DNAJC5: variants seen among roughly 807,000 people sequenced by gnomAD.
DNAJC5 encodes dnaJ homolog subfamily C member 5.
In DNAJC5, 1 loss-of-function variant was observed where a neutral mutation model predicts 23.2. The ratio of observed to expected loss-of-function variants is 0.04; its 90% CI spans 0.02 to 0.20. The LOEUF is 0.20. DNAJC5 is among the 10% of genes least tolerant of loss of function. The pLI is 1.00. For missense variants in DNAJC5, 180 were observed against 267.0 expected (o/e 0.67, Z 2.27); for synonymous variants, 136 against 120.0 (o/e 1.13, Z -0.87).
chr20:63,932,681 G>T lies in DNAJC5; in HGVS notation c.*1113G>T, dbSNP rs932421483. On this transcript the variant is annotated 3_prime_UTR_variant, in exon 5 of 5. Coordinates refer to ENST00000360864, the MANE Select transcript of DNAJC5 (RefSeq NM_025219.3). The surrounding 1 kb of genome is among the most constrained non-coding windows in gnomAD (Gnocchi z 4.4). ...ATTCAGGCAGAGCCAGATTCGTTAG[G>T]TCCCTGGAGGAAGGACTGACTGGAC... is the stretch of plus-strand genomic sequence containing the variant. 2.0e-5 allele frequency: 3 copies of T among 152,378 alleles called. No homozygotes were observed. The highest frequency in any genetic ancestry group is 7.2e-5 in the African/African-American group (3 of 41,444). The allele number at this position is 152,378 out of a possible 1,614,324, so 9.4% of individuals were successfully genotyped here.
chr20:63,899,463 G>A (rs192021408), intron 1 of DNAJC5, among the ~76,000 whole-genome samples: 2 of 152,016 alleles, frequency 1.3e-5, no homozygotes, highest in Non-Finnish European at 2.9e-5. Context: ...CTTTATTCTT[G>A]GTACATCACA....
chr20:63,932,025 C>T lies in DNAJC5; in HGVS notation c.*457C>T, dbSNP rs574019244. On this transcript the variant is annotated 3_prime_UTR_variant, in exon 5 of 5. Coordinates refer to ENST00000360864, the MANE Select transcript of DNAJC5 (RefSeq NM_025219.3). This position sits in a 1 kb window ranked among gnomAD's most constrained non-coding sequence, Gnocchi z 4.4. ...CAGAGCTGTGTTACCGTCTTGGCCT[C>T]GGGGTCTGGTCCACACTCTGTGCTC... is the stretch of plus-strand genomic sequence containing the variant. The T allele has an allele frequency of 2.0e-4, 61 of 312,248 alleles. No homozygotes were observed. Among genetic ancestry groups the T allele is most frequent in the African/African-American group, 1.2e-3 (57 of 46,156 alleles). 19.3% of individuals were successfully genotyped at this position (312,248 alleles called of 1,614,324 possible). A position where few individuals can be genotyped will look rare whatever the true frequency, so the allele number is the denominator to read the frequency against.
intron 1 of DNAJC5, among the ~76,000 whole-genome samples, chr20:63,910,707 C>G (rs2053477695): frequency 6.6e-6 from 1 of 150,494 alleles, no homozygotes; most frequent in Admixed American, 6.6e-5. Context: ...GAGTCTGACT[C>G]TGTCGCCCAG....
intron 1 of DNAJC5, among the ~76,000 whole-genome samples, chr20:63,905,813 C>T (rs959585352): frequency 2.0e-5 from 3 of 151,916 alleles, no homozygotes; most frequent in Non-Finnish European, 4.4e-5. Flanking sequence ...TGGCTCACTG[C>T]AACCTCCGCC....
chr20:63,901,368 T>C (rs1341094065), intron 1 of DNAJC5, among the ~76,000 whole-genome samples: 1 of 152,224 alleles, frequency 6.6e-6, no homozygotes, highest in Non-Finnish European at 1.5e-5. Context: ...CCCTCCTTGC[T>C]GTCTCTAGAG....
intron 1 of DNAJC5, among the ~76,000 whole-genome samples, chr20:63,925,977 G>A (rs558198187): frequency 1.3e-5 from 2 of 152,074 alleles, no homozygotes; most frequent in East Asian, 1.9e-4. Context: ...ACAGGTGCCT[G>A]CCACCACTTC....
At chr20:63,898,571 C>T (rs977648973) in intron 1 of DNAJC5, among the ~76,000 whole-genome samples, 5 of 152,070 alleles carry the variant, frequency 3.3e-5, no homozygotes, top group Admixed American at 6.6e-5. Flanking sequence ...AGGCCGGGCA[C>T]GGTGGCTCAC....
rs2053492105 is a variant in DNAJC5 at position 63,913,074 on chromosome 20, C to CATCTGCACCGTCTCTCCCTGCCCA, written c.-11-15261_-11-15260insATCTGCACCGTCTCTCCCTGCCCA. ...AGAGCAAAGAGGTAGTTCCCTGCCC[C>CATCTGCACCGTCTCTCCCTGCCCA]GTCTCCATCTCCCTGTCTGCACTGT... On this transcript the variant is annotated intron_variant, in intron 1 of 4. Transcript: ENST00000360864. 1.5e-5 allele frequency among the ~76,000 whole-genome samples: 2 copies of CATCTGCACCGTCTCTCCCTGCCCA among 136,668 alleles called. 1 individual carries two copies. The highest frequency in any genetic ancestry group is 5.9e-5 in the African/African-American group (2 of 33,754). The allele number at this position is 136,668 out of a possible 152,430, so 89.7% of individuals were successfully genotyped here.
intron 1 of DNAJC5, among the ~76,000 whole-genome samples, chr20:63,917,705 G>A (rs1280039618): frequency 2.0e-5 from 3 of 151,854 alleles, no homozygotes; most frequent in Middle Eastern, 3.2e-3. Flanking sequence ...ACAGGCATGC[G>A]CCATCACACC....
At position 63,934,077 on chromosome 20, in the gene DNAJC5, G is replaced by A. The variant is rs1027849747; in HGVS notation, c.*2509G>A. ...TGGTGATTGTGATTAGACGACCCCC[G>A]GGAAGCCCAGACACTCGGGGCCTGG... is the stretch of plus-strand genomic sequence containing the variant. On this transcript the variant is annotated 3_prime_UTR_variant, in exon 5 of 5. Coordinates refer to ENST00000360864, the MANE Select transcript of DNAJC5 (RefSeq NM_025219.3). The A allele has an allele frequency of 1.1e-4, 16 of 152,268 alleles. No individual in the cohort carries two copies. The highest frequency in any genetic ancestry group is 3.2e-3 in the Middle Eastern group (1 of 316). 9.4% of individuals were successfully genotyped at this position (152,268 alleles called of 1,614,324 possible).
Position 63,920,341 on chromosome 20 carries a change from C to T in DNAJC5, c.-11-7994C>T, listed in dbSNP as rs145456140. ...TGTGTCTGCCCGGGAACAGGTAGTC[C>T]TGCGTCGGACCGGGAAGTGTGGTGG... On this transcript the variant is annotated intron_variant, in intron 1 of 4. Coordinates refer to ENST00000360864, the MANE Select transcript of DNAJC5 (RefSeq NM_025219.3). This position sits in a 1 kb window ranked among gnomAD's most constrained non-coding sequence, Gnocchi z 4.6. Among the ~76,000 whole-genome samples the T allele has an allele frequency of 1.5e-3, 234 of 152,330 alleles. No individual in the cohort carries two copies. Among genetic ancestry groups the T allele is most frequent in the African/African-American group, 5.4e-3 (226 of 41,570 alleles).
At chr20:63,898,505 A>C (rs369804456) in intron 1 of DNAJC5, among the ~76,000 whole-genome samples, 1 of 152,140 alleles carries the variant, frequency 6.6e-6, no homozygotes, top group South Asian at 2.1e-4. Flanking sequence ...AGACATAGAG[A>C]AGAGACCCTT....
chr20:63,923,442 T>TA lies in DNAJC5; in HGVS notation c.-11-4882dup, dbSNP rs574865940. The stretch of plus-strand genomic sequence containing the variant: ...GGGCAACAGAGAAAAACCTTGTTTC[T>TA]AAAAAAAAAAATTAGGCTGGGTAGG... On this transcript the variant is annotated intron_variant, in intron 1 of 4. Transcript: ENST00000360864. Among the ~76,000 whole-genome samples, 440 of 141,672 alleles carry TA rather than the reference T, an allele frequency of 3.1e-3. 4 individuals carry two copies. The South Asian group carries it at 0.043, about 14-fold the overall frequency. 92.9% of individuals were successfully genotyped at this position (141,672 alleles called of 152,430 possible).
Position 63,923,516 on chromosome 20 carries a change from A to T in DNAJC5, c.-11-4819A>T, listed in dbSNP as rs6122215. Among the ~76,000 whole-genome samples the T allele has an allele frequency of 7.5e-4, 114 of 152,164 alleles. 1 individual carries two copies. The East Asian group carries it at 0.02, about 27-fold the overall frequency. On this transcript the variant is annotated intron_variant, in intron 1 of 4. Transcript: ENST00000360864. ...CACTTTGGGAGGCTGTAGCAGGCGG[A>T]TTGCTTGAGTCTGGGAGTTTGAGAC...
intron 3 of DNAJC5, among the ~76,000 whole-genome samples, chr20:63,930,150 G>A (rs2053655086): frequency 1.3e-5 from 2 of 152,326 alleles, no homozygotes; most frequent in Non-Finnish European, 2.9e-5. Flanking sequence ...TGACTGGTCG[G>A]CCTCCTCACT....
At position 63,933,748 on chromosome 20, in the gene DNAJC5, C is replaced by T. The variant is rs2053694151; in HGVS notation, c.*2180C>T. The T allele has an allele frequency of 6.6e-6, 1 of 152,360 alleles. No homozygotes were observed. 9.4% of individuals were successfully genotyped at this position (152,360 alleles called of 1,614,324 possible). On this transcript the variant is annotated 3_prime_UTR_variant, in exon 5 of 5. Coordinates refer to ENST00000360864, the MANE Select transcript of DNAJC5 (RefSeq NM_025219.3). ...GACTGGCCAAGAGCCAGGTTCTAAG[C>T]TTGGACCTAAGGTAGAAAGCTGCCC...
At chr20:63,921,813 C>T (rs574946711) in intron 1 of DNAJC5, among the ~76,000 whole-genome samples, 1 of 152,098 alleles carries the variant, frequency 6.6e-6, no homozygotes, top group East Asian at 2.0e-4. Context: ...GGGTCTCACT[C>T]TGTCACCCAG....
intron 1 of DNAJC5, among the ~76,000 whole-genome samples, chr20:63,922,529 C>CCATG (rs1424318729): frequency 1.3e-5 from 2 of 151,456 alleles, no homozygotes; most frequent in East Asian, 3.9e-4. Context: ...ACTTTGGTGA[C>CCATG]CATGACCCAA....
rs886056935 is a variant in DNAJC5, at chr20:63,931,475, C to T, written c.504C>T (p.Asp168=). The T allele has an allele frequency of 2.6e-6, 4 of 1,562,460 alleles. No homozygotes were observed. The African/African-American group carries it at 4.1e-5, about 16-fold the overall frequency. ...GTGCTTGCTTTTCAGAGGCCACAGA[C>T]ACGCCGATCGTCATACAGCCGGCAT... ...QLQSDEREAT[D]TPIVIQPASA... The change falls in exon 5 of 5, where the codon GAC becomes GAT. Residue 168 remains aspartate, a synonymous_variant. Coordinates refer to ENST00000360864, the MANE Select transcript of DNAJC5 (RefSeq NM_025219.3). This position sits in a 1 kb window ranked among gnomAD's most constrained non-coding sequence, Gnocchi z 9.6.
Sources: allele counts gnomAD v4.1 joint callset (sites outside exome capture counted in the v4.1 genomes callset), GRCh38; gene constraint gnomAD v4.1.1; non-coding constraint Gnocchi (gnomAD v3.1); transcripts MANE v1.5; gene names NCBI Gene and HGNC (gene_info 2026-07-23, HGNC 2026-07-21).